Variants in HECW2 observed in about 807,000 individuals in gnomAD.
HECW2 encodes the protein HECT, C2 and WW domain containing E3 ubiquitin protein ligase 2, also known as E3 ubiquitin-protein ligase HECW2.
In HECW2, 61 loss-of-function variants were observed where a neutral mutation model predicts 175.2. The ratio of observed to expected loss-of-function variants is 0.35; its 90% CI spans 0.28 to 0.43. The LOEUF is 0.43. Ranked by LOEUF, HECW2 falls within the 20% of genes least tolerant of loss-of-function variation. The pLI is 1.00. For synonymous variants in HECW2, 671 were observed against 731.0 expected, an observed-to-expected ratio of 0.92 and a Z score of 1.32; for missense variants, 1,524 against 2,000.5, an observed-to-expected ratio of 0.76 and a Z score of 4.54.
intron 1 of HECW2, among the ~76,000 whole-genome samples, chr2:196,593,286 C>T (rs1691279426): frequency 1.3e-5 from 2 of 151,252 alleles, no homozygotes; most frequent in South Asian, 4.1e-4. Context: ...GGGAGGGCGC[C>T]GGGGGTCCTG....
At chr2:196,554,329 A>G (rs1039731224) in intron 1 of HECW2, among the ~76,000 whole-genome samples, 3 of 152,166 alleles carry the variant, frequency 2.0e-5, no homozygotes, top group Non-Finnish European at 1.5e-5. Context: ...CCGTCTCAAA[A>G]AAAAAAAAAG....
chr2:196,288,448 T>A (rs1173839828), intron 14 of HECW2: 1 of 152,180 alleles, frequency 6.6e-6, no homozygotes, highest in African/African-American at 2.4e-5. Flanking sequence ...AAGAACAACA[T>A]GGACAGCAAA....
In HECW2 at chr2:196,197,822, G is replaced by A. The variant is rs1686739038; in HGVS notation, c.*3455C>T. On this transcript the variant is annotated 3_prime_UTR_variant, in exon 29 of 29. Transcript: ENST00000644978. ...TTGTACCCTACAAAGTGCGTGAGGAGCTAAACGGACGATGTACCTGACAGC... is the reference window on the plus strand; with the variant it reads ...TTGTACCCTACAAAGTGCGTGAGGAACTAAACGGACGATGTACCTGACAGC... The A allele has an allele frequency of 6.6e-6, 1 of 152,210 alleles. No homozygotes were observed. The highest frequency in any genetic ancestry group is 1.5e-5 in the Non-Finnish European group (1 of 68,032). 9.4% of individuals were successfully genotyped at this position (152,210 alleles called of 1,614,324 possible).
At chr2:196,211,217 AC>A (rs1157261780) in intron 28 of HECW2, among the ~76,000 whole-genome samples, 1 of 152,188 alleles carries the variant, frequency 6.6e-6, no homozygotes. Flanking sequence ...GGGGATGAAC[AC>A]AGAAACTCAC....
chr2:196,272,961 G>C (rs1203594909), intron 16 of HECW2, among the ~76,000 whole-genome samples: 1 of 150,908 alleles, frequency 6.6e-6, no homozygotes, highest in Non-Finnish European at 1.5e-5. Flanking sequence ...AGCTTCTTAG[G>C]TCATGGGCAT....
chr2:196,432,610 T>C (rs1264797455), intron 2 of HECW2, among the ~76,000 whole-genome samples: 1 of 152,196 alleles, frequency 6.6e-6, no homozygotes, highest in African/African-American at 2.4e-5. Context: ...CAGGAAAACA[T>C]GACACTTCCT....
intron 14 of HECW2, among the ~76,000 whole-genome samples, chr2:196,279,730 C>T (rs1690116249): frequency 6.6e-6 from 1 of 152,202 alleles, no homozygotes; most frequent in African/African-American, 2.4e-5. Context: ...TCGCCCATTA[C>T]ACACCCATAC....
intron 1 of HECW2, among the ~76,000 whole-genome samples, chr2:196,444,716 T>C (rs1451126751): frequency 2.0e-5 from 3 of 152,166 alleles, no homozygotes; most frequent in Non-Finnish European, 4.4e-5. Context: ...TGGACAAGGG[T>C]GAACAGGGAA....
chr2:196,228,482 C>T (rs1236811635), intron 21 of HECW2, among the ~76,000 whole-genome samples: 1 of 152,154 alleles, frequency 6.6e-6, no homozygotes, highest in Non-Finnish European at 1.5e-5. Flanking sequence ...CTAAGCCACA[C>T]ATCATACAAC....
intron 2 of HECW2, among the ~76,000 whole-genome samples, chr2:196,344,322 GAAAAAAAAA>G (rs60573890): frequency 4.4e-5 from 3 of 67,660 alleles, no homozygotes; most frequent in Admixed American, 2.1e-4. Flanking sequence ...GACAAGATAA[GAAAAAAAAA>G]AAAAAAAAAA....
chr2:196,406,817 C>T (rs11889777), intron 2 of HECW2, among the ~76,000 whole-genome samples: 2,516 of 152,350 alleles, frequency 0.017, 67 homozygotes, highest in African/African-American at 0.057. Flanking sequence ...TCCTTCTTGT[C>T]ACTCAGCCTA....
intron 1 of HECW2, among the ~76,000 whole-genome samples, chr2:196,475,831 G>A (rs191647362): frequency 6.6e-6 from 1 of 152,364 alleles, no homozygotes. Flanking sequence ...CCCACTTCCG[G>A]CATCAGAAGG....
chr2:196,527,064 C>A (rs1406726880), intron 1 of HECW2, among the ~76,000 whole-genome samples: 1 of 152,208 alleles, frequency 6.6e-6, no homozygotes, highest in Non-Finnish European at 1.5e-5. Context: ...ATGGCGGGCG[C>A]CCCTCCCCCA....
intron 1 of HECW2, among the ~76,000 whole-genome samples, chr2:196,485,536 G>C (rs939100552): frequency 6.6e-6 from 1 of 152,134 alleles, no homozygotes. Context: ...AAGGCAGGGG[G>C]ATGAGACAGC....
At chr2:196,309,109 G>A (rs896538919) in intron 10 of HECW2, among the ~76,000 whole-genome samples, 17 of 152,106 alleles carry the variant, frequency 1.1e-4, no homozygotes, top group African/African-American at 3.9e-4. Context: ...ACCAGAAGGA[G>A]GGCATATTTT....
At chr2:196,491,465 G>GGT (rs1424765711) in intron 1 of HECW2, among the ~76,000 whole-genome samples, 890 of 51,522 alleles carry the variant, frequency 0.017, 8 homozygotes, top group Middle Eastern at 0.047. Flanking sequence ...AGGTATATTA[G>GGT]GTGTGTGTAT....
At chr2:196,210,264 ATG>A (rs768741649) in intron 28 of HECW2, among the ~76,000 whole-genome samples, 2 of 139,242 alleles carry the variant, frequency 1.4e-5, no homozygotes, top group African/African-American at 2.6e-5. Context: ...TTGTTTTAAA[ATG>A]TGTGTGTGTG....
At position 196,319,425 on chromosome 2, in the gene HECW2, T is replaced by G. The variant is rs373873944; in HGVS notation, c.1465A>C (p.Ile489Leu). ...GCTCTGGATGCCCTGCTAAACATGA[T>G]CAGGCCTCCCTCCTCCTCCAAGGAA... ...PSSLEEEGGL[I>L]MFSRASRADD... Residue 489 changes from isoleucine to leucine, a missense_variant, in exon 9 of 29, where the codon ATC (isoleucine) becomes CTC (leucine). By Grantham distance (5) the Ile-to-Leu change is conservative. Coordinates refer to ENST00000644978, the MANE Select transcript of HECW2 (RefSeq NM_001348768.2). 109 of 1,613,872 alleles carry G rather than the reference T, an allele frequency of 6.8e-5. 2 individuals carry two copies. In the South Asian group the frequency reaches 1.1e-3, roughly 17 times the overall value.
rs3748875 is a variant in HECW2 at position 196,200,455 on chromosome 2, G to A, written c.*822C>T. On this transcript the variant is annotated 3_prime_UTR_variant, in exon 29 of 29. Transcript: ENST00000644978. ...AATGAGTGATACATACAGCATGATAGGTAGGTTCTTATATACATCTTAAAG... is the reference window on the plus strand; with the variant it reads ...AATGAGTGATACATACAGCATGATAAGTAGGTTCTTATATACATCTTAAAG... 0.44 allele frequency: 67,019 copies of A among 152,382 alleles called. 17,876 individuals are homozygous for A. Among genetic ancestry groups the A allele is most frequent in the South Asian group, 0.61 (2,933 of 4,818 alleles). The allele number at this position is 152,382 out of a possible 1,614,324, so 9.4% of individuals were successfully genotyped here.
Sources: allele counts gnomAD v4.1 joint callset (sites outside exome capture counted in the v4.1 genomes callset), GRCh38; gene constraint gnomAD v4.1.1; transcripts MANE v1.5; gene names NCBI Gene and HGNC (gene_info 2026-07-23, HGNC 2026-07-21).